HMGCLL1: variants seen among roughly 807,000 people sequenced by gnomAD.
HMGCLL1 encodes the protein 3-hydroxymethyl-3-methylglutaryl-CoA lyase, cytoplasmic.
In HMGCLL1, 36 loss-of-function variants were observed where a neutral mutation model predicts 39.1. The ratio of observed to expected loss-of-function variants is 0.92; its 90% confidence interval spans 0.71 to 1.22. The LOEUF (loss-of-function observed/expected upper bound fraction) is 1.22. HMGCLL1 is among the 50% of genes most tolerant of loss of function. The pLI is 0.00. For missense variants in HMGCLL1, 451 were observed against 416.5 expected (o/e 1.08, Z -0.72); for synonymous variants, 149 against 144.0 (o/e 1.03, Z -0.25).
chr6:55,627,044 C>A, the HMGCLL1 span, among the ~76,000 whole-genome samples: 1 of 107,136 alleles, frequency 9.3e-6, no homozygotes. Flanking sequence ...TGGGTCACTC[C>A]ACCAGAAAAA....
At chr6:55,471,731 C>T (rs1170918302) in intron 7 of HMGCLL1, among the ~76,000 whole-genome samples, 1 of 151,160 alleles carries the variant, frequency 6.6e-6, no homozygotes, top group Non-Finnish European at 1.5e-5. Flanking sequence ...TAGAGAAGAG[C>T]ACAAATCATA....
chr6:55,569,067 A>G (rs923511965), intron 1 of HMGCLL1, among the ~76,000 whole-genome samples: 1 of 152,190 alleles, frequency 6.6e-6, no homozygotes, highest in Non-Finnish European at 1.5e-5. Flanking sequence ...CAAGAAATAC[A>G]GGAGCCAACA....
the HMGCLL1 span, among the ~76,000 whole-genome samples, chr6:55,627,602 G>C: frequency 1.3e-5 from 2 of 151,362 alleles, no homozygotes; most frequent in African/African-American, 4.9e-5. Flanking sequence ...ATTAACATTT[G>C]AGTCAGTGGG....
chr6:55,598,781 A>G, the HMGCLL1 span, among the ~76,000 whole-genome samples: 1 of 152,194 alleles, frequency 6.6e-6, no homozygotes, highest in Admixed American at 6.5e-5. Context: ...TAATAGACAC[A>G]CTGTTGTGGC....
At chr6:55,595,501 A>G in the HMGCLL1 span, among the ~76,000 whole-genome samples, 1 of 152,190 alleles carries the variant, frequency 6.6e-6, no homozygotes, top group Admixed American at 6.5e-5. Flanking sequence ...TGTTCTTCAC[A>G]GGATTTATGG....
At chr6:55,558,258 G>C (rs1044695343) in intron 1 of HMGCLL1, among the ~76,000 whole-genome samples, 10 of 152,176 alleles carry the variant, frequency 6.6e-5, no homozygotes, top group Non-Finnish European at 1.2e-4. Context: ...TATAGGTTGA[G>C]GATGAAAGCT....
chr6:55,514,284 G>A (rs1247487370), intron 4 of HMGCLL1, 88 bp from the exon 5 acceptor site: 2 of 922,550 alleles, frequency 2.2e-6, no homozygotes, highest in Non-Finnish European at 3.2e-6. Flanking sequence ...CTCTATGAAG[G>A]CATACATGTA....
chr6:55,466,298 A>T (rs2127399867), intron 7 of HMGCLL1, among the ~76,000 whole-genome samples: 1 of 152,206 alleles, frequency 6.6e-6, no homozygotes, highest in Non-Finnish European at 1.5e-5. Flanking sequence ...AACTGAAGGG[A>T]ATGAGAGAGG....
intron 5 of HMGCLL1, among the ~76,000 whole-genome samples, chr6:55,506,672 C>T (rs575037736): frequency 6.6e-6 from 1 of 151,714 alleles, no homozygotes; most frequent in Admixed American, 6.6e-5. Flanking sequence ...TAATGGTTCT[C>T]TCAGTTATGA....
intron 5 of HMGCLL1, among the ~76,000 whole-genome samples, chr6:55,503,434 G>A (rs1212300567): frequency 6.6e-6 from 1 of 151,710 alleles, no homozygotes; most frequent in Middle Eastern, 3.2e-3. Flanking sequence ...TGCTTCTGTG[G>A]TATCAACCTA....
At chr6:55,465,491 C>T (rs1764758466) in intron 7 of HMGCLL1, among the ~76,000 whole-genome samples, 1 of 151,922 alleles carries the variant, frequency 6.6e-6, no homozygotes, top group South Asian at 2.1e-4. Flanking sequence ...TGGCTTAAAT[C>T]TCCTCTGTAA....
intron 5 of HMGCLL1, among the ~76,000 whole-genome samples, chr6:55,507,268 A>G (rs929825534): frequency 6.6e-6 from 1 of 151,712 alleles, no homozygotes; most frequent in Admixed American, 6.6e-5. Flanking sequence ...GGATAAAAAG[A>G]GTATACATAG....
chr6:55,462,755 T>A (rs192389661), intron 7 of HMGCLL1, among the ~76,000 whole-genome samples: 372 of 152,302 alleles, frequency 2.4e-3, no homozygotes, highest in African/African-American at 8.6e-3. Flanking sequence ...TACAAACTTC[T>A]TATGTTGTAG....
intron 1 of HMGCLL1, among the ~76,000 whole-genome samples, chr6:55,550,617 C>T (rs1270251964): frequency 6.6e-6 from 1 of 151,932 alleles, no homozygotes; most frequent in African/African-American, 2.4e-5. Context: ...AGGAAGTGGT[C>T]TCCAAAATGG....
chr6:55,542,275 T>C (rs2127457198), intron 1 of HMGCLL1, 135 bp from the exon 2 acceptor site: 1 of 537,246 alleles, frequency 1.9e-6, no homozygotes, highest in East Asian at 3.1e-5. Flanking sequence ...AATACAATGA[T>C]ATCATGAAAA....
chr6:55,436,094 A>G (rs1763361694), intron 8 of HMGCLL1, among the ~76,000 whole-genome samples: 1 of 152,004 alleles, frequency 6.6e-6, no homozygotes, highest in Non-Finnish European at 1.5e-5. Context: ...ACAAAGCATC[A>G]GCGAAGGACA....
chr6:55,544,680 G>A (rs1021585118), intron 1 of HMGCLL1, among the ~76,000 whole-genome samples: 2 of 152,130 alleles, frequency 1.3e-5, no homozygotes, highest in Non-Finnish European at 2.9e-5. Flanking sequence ...GTCCAGAGCT[G>A]TTATTGGTTT....
intron 7 of HMGCLL1, among the ~76,000 whole-genome samples, chr6:55,453,585 G>C (rs1764195565): frequency 6.6e-6 from 1 of 152,140 alleles, no homozygotes; most frequent in Non-Finnish European, 1.5e-5. Context: ...TGAAATGAAG[G>C]TCTATCTAAG....
chr6:55,439,407 A>C, intron 8 of HMGCLL1, 27 bp downstream of exon 8: 1 of 1,591,568 alleles, frequency 6.3e-7, no homozygotes, highest in Non-Finnish European at 8.6e-7. Flanking sequence ...GAATGCATGA[A>C]TATTAAAATA....
Sources: gnomAD v4.1 joint callset for allele counts (sites outside exome capture counted in the v4.1 genomes callset) on GRCh38, gnomAD v4.1.1 for gene constraint, MANE v1.5 for transcripts, NCBI Gene and HGNC (gene_info 2026-07-23, HGNC 2026-07-21) for gene names.